Variants in TMEM135 observed in about 807,000 individuals in gnomAD.
The protein encoded by TMEM135 is transmembrane protein 135, also known as peroxisomal membrane protein 52.
TMEM135 carries 30 observed loss-of-function variants against 60.3 expected under a neutral mutation model. That is an observed-to-expected ratio of 0.50 (90% CI 0.37 to 0.68). The LOEUF (loss-of-function observed/expected upper bound fraction) is 0.68. TMEM135 is among the 30% of genes least tolerant of loss of function. TMEM135 has a pLI of 0.00. For synonymous variants in TMEM135, 190 were observed against 186.7 expected (o/e 1.02, Z -0.14); for missense variants, 468 against 548.8 (o/e 0.85, Z 1.47).
chr11:87,140,058 TTTTC>T (rs1288009571), intron 4 of TMEM135, among the ~76,000 whole-genome samples: 4 of 151,598 alleles, frequency 2.6e-5, no homozygotes, highest in East Asian at 1.9e-4. Flanking sequence ...GTGGCTTACT[TTTTC>T]TTTCTTTCTT....
intron 4 of TMEM135, among the ~76,000 whole-genome samples, chr11:87,105,108 G>A (rs1857559633): frequency 6.6e-6 from 1 of 152,076 alleles, no homozygotes; most frequent in African/African-American, 2.4e-5. Flanking sequence ...CTAATTTGTT[G>A]AGAGTTTTAT....
At chr11:87,178,440 C>T (rs1011003180) in intron 5 of TMEM135, 9 of 455,790 alleles carry the variant, frequency 2.0e-5, no homozygotes, top group Middle Eastern at 3.2e-4. Context: ...TAACATAATG[C>T]GTTTTGTTTT....
chr11:87,161,221 T>C (rs61584566), intron 5 of TMEM135, among the ~76,000 whole-genome samples: 9,386 of 152,204 alleles, frequency 0.062, 470 homozygotes, highest in African/African-American at 0.14. Flanking sequence ...TTAAATGGGT[T>C]TCCCTATTTG....
intron 5 of TMEM135, among the ~76,000 whole-genome samples, chr11:87,231,961 T>G (rs1472039745): frequency 6.6e-6 from 1 of 151,930 alleles, no homozygotes; most frequent in Non-Finnish European, 1.5e-5. Flanking sequence ...AGACTTTTTT[T>G]TTTTTTTTGA....
intron 1 of TMEM135, among the ~76,000 whole-genome samples, chr11:87,053,850 A>G (rs1167057040): frequency 6.6e-6 from 1 of 152,170 alleles, no homozygotes; most frequent in Non-Finnish European, 1.5e-5. Context: ...TTACTCACTA[A>G]TCTTAGTTTT....
At chr11:87,117,388 A>G (rs936349255) in intron 4 of TMEM135, among the ~76,000 whole-genome samples, 1 of 152,176 alleles carries the variant, frequency 6.6e-6, no homozygotes, top group African/African-American at 2.4e-5. Context: ...GTTTGATAGC[A>G]TTTCATCCAC....
intron 4 of TMEM135, chr11:87,095,208 G>C (rs1379884216): frequency 2.3e-5 from 4 of 172,532 alleles, no homozygotes; most frequent in Non-Finnish European, 1.3e-5. Flanking sequence ...CAGAGGATTT[G>C]TTGAATTGGG....
At position 87,105,220 on chromosome 11, in the gene TMEM135, G is replaced by A. The variant is rs761851866; in HGVS notation, c.396+13825G>A. ...CATATCACAGGGGTCCCCAAACCCT[G>A]GGCCATGAACCTTGTCAGGAATCAG... is the stretch of plus-strand genomic sequence containing the variant. On this transcript the variant is annotated intron_variant, in intron 4 of 14. Coordinates refer to ENST00000305494, the MANE Select transcript of TMEM135 (RefSeq NM_022918.4). Among the ~76,000 whole-genome samples, 66 of 152,150 alleles carry A rather than the reference G, an allele frequency of 4.3e-4. 1 individual carries two copies. Among genetic ancestry groups the A allele is most frequent in the Admixed American group, 4.1e-3 (63 of 15,278 alleles).
intron 4 of TMEM135, among the ~76,000 whole-genome samples, chr11:87,148,072 A>G (rs1938462837): frequency 6.6e-6 from 1 of 152,200 alleles, no homozygotes; most frequent in South Asian, 2.1e-4. Context: ...TTATTTTTAA[A>G]CAAAGACATT....
chr11:87,276,977 T>A (rs1027448891), intron 6 of TMEM135, among the ~76,000 whole-genome samples: 5 of 151,528 alleles, frequency 3.3e-5, no homozygotes, highest in African/African-American at 7.3e-5. Context: ...TGGCTTTTTT[T>A]TAAAAAATAA....
intron 5 of TMEM135, among the ~76,000 whole-genome samples, chr11:87,220,840 A>G (rs1227999145): frequency 6.6e-6 from 1 of 152,186 alleles, no homozygotes; most frequent in African/African-American, 2.4e-5. Flanking sequence ...TCTATGTCCA[A>G]TATGTCTATA....
chr11:87,102,190 C>T (rs907440989), intron 4 of TMEM135, among the ~76,000 whole-genome samples: 4 of 152,154 alleles, frequency 2.6e-5, no homozygotes, highest in African/African-American at 7.2e-5. Context: ...CTGCCTCCAC[C>T]TCAGATGCCA....
At chr11:87,144,500 C>A (rs997406038) in intron 4 of TMEM135, among the ~76,000 whole-genome samples, 1 of 152,060 alleles carries the variant, frequency 6.6e-6, no homozygotes, top group African/African-American at 2.4e-5. Flanking sequence ...TGCCTGCAGG[C>A]GTTGCTTTTT....
Position 87,212,316 on chromosome 11 carries a change from T to C in TMEM135, c.463-24322T>C, listed in dbSNP as rs575538481. On this transcript the variant is annotated intron_variant, in intron 5 of 14. Transcript: ENST00000305494. ...CCAATTGTGAGAGTCACAAATGGAT[T>C]AAACAGAAACATGTAGAATAGTTAC... Among the ~76,000 whole-genome samples, 13 of 152,260 alleles carry C rather than the reference T, an allele frequency of 8.5e-5. 1 individual carries two copies. In the South Asian group the frequency reaches 2.7e-3, roughly 32 times the overall value.
At chr11:87,082,541 G>A (rs1446039257) in intron 3 of TMEM135, among the ~76,000 whole-genome samples, 4 of 152,134 alleles carry the variant, frequency 2.6e-5, no homozygotes, top group Non-Finnish European at 5.9e-5. Flanking sequence ...ATAGCCAGCA[G>A]GCAGCTGGAA....
At chr11:87,150,104 C>G (rs763957330) in intron 4 of TMEM135, among the ~76,000 whole-genome samples, 30 of 150,618 alleles carry the variant, frequency 2.0e-4, no homozygotes, top group Non-Finnish European at 3.7e-4. Context: ...GTAATTTGAG[C>G]TACTTGGGAG....
At chr11:87,286,387 A>T (rs886933934) in intron 6 of TMEM135, among the ~76,000 whole-genome samples, 1 of 152,236 alleles carries the variant, frequency 6.6e-6, no homozygotes, top group Non-Finnish European at 1.5e-5. Flanking sequence ...TGATTGGTGC[A>T]TATACAATCC....
intron 4 of TMEM135, among the ~76,000 whole-genome samples, chr11:87,107,839 T>C (rs1857638034): frequency 6.6e-6 from 1 of 152,208 alleles, no homozygotes; most frequent in Non-Finnish European, 1.5e-5. Flanking sequence ...ATCACCACAC[T>C]ATCTTCCACA....
chr11:87,239,927 A>T (rs1941092568), intron 6 of TMEM135, among the ~76,000 whole-genome samples: 2 of 152,130 alleles, frequency 1.3e-5, no homozygotes, highest in African/African-American at 4.8e-5. Context: ...ATAGCTCTTA[A>T]TAGTTTTTTA....
Sources: gnomAD v4.1 joint callset for allele counts (sites outside exome capture counted in the v4.1 genomes callset) on GRCh38, gnomAD v4.1.1 for gene constraint, MANE v1.5 for transcripts, NCBI Gene and HGNC (gene_info 2026-07-23, HGNC 2026-07-21) for gene names.